Variants in CD247 observed in about 807,000 individuals in gnomAD.
CD247 encodes the protein CD247 molecule, also known as T-cell surface glycoprotein CD3 zeta chain.
A neutral mutation model predicts 30.0 loss-of-function variants in CD247; 13 were observed. The ratio of observed to expected loss-of-function variants is 0.43; its 90% CI spans 0.28 to 0.69. The LOEUF (loss-of-function observed/expected upper bound fraction) is 0.69. CD247 is among the 30% of genes least tolerant of loss of function. The pLI, the probability that CD247 is intolerant of heterozygous loss-of-function variation, is 0.16. For synonymous variants in CD247, 72 were observed against 80.0 expected (o/e 0.90, Z 0.53); for missense variants, 193 against 212.6 (o/e 0.91, Z 0.57).
chr1:167,508,873 G>A (rs376835364), intron 1 of CD247, among the ~76,000 whole-genome samples: 6 of 152,142 alleles, frequency 3.9e-5, no homozygotes, highest in African/African-American at 1.4e-4. Flanking sequence ...CATGGTTTCC[G>A]GGACCAGGGA....
chr1:167,440,731 C>T lies in CD247; in HGVS notation c.95G>A (p.Cys32Tyr), dbSNP rs1651787487. The change falls in exon 2 of 8, where the codon TGC becomes TAC. Residue 32 changes from cysteine (C) to tyrosine (Y), a missense_variant. By Grantham distance (194) the Cys-to-Tyr change is radical (BLOSUM62 -2). Coordinates refer to ENST00000362089, the MANE Select transcript of CD247 (RefSeq NM_198053.3). The part of the protein sequence containing the change: ...QSFGLLDPKL[C>Y]YLLDGILFIY... ...GAAGAGGATTCCATCCAGCAGGTAG[C>T]AGAGTTTGGGATCCAGCAGGCCAAA... The T allele has an allele frequency of 2.5e-6, 4 of 1,613,826 alleles. No homozygotes were observed. Among genetic ancestry groups the T allele is most frequent in the Non-Finnish European group, 3.4e-6 (4 of 1,179,908 alleles).
At chr1:167,489,624 T>A (rs1242198671) in intron 1 of CD247, among the ~76,000 whole-genome samples, 1 of 152,142 alleles carries the variant, frequency 6.6e-6, no homozygotes, top group Non-Finnish European at 1.5e-5. Context: ...GGGACTTGGC[T>A]CACTTTTCTG....
At position 167,431,489 on chromosome 1, in the gene CD247, C is replaced by A; in HGVS notation, c.*192G>T. Reference sequence around the variant, plus strand: ...CAGGGCCGTAAGCCCTGGGAGTACACTCCCTTAAAGAGTGCAGGGACAACA... The same window carrying A: ...CAGGGCCGTAAGCCCTGGGAGTACAATCCCTTAAAGAGTGCAGGGACAACA... On this transcript the variant is annotated 3_prime_UTR_variant, in exon 8 of 8. Transcript: ENST00000362089. The A allele has an allele frequency of 1.5e-6, 1 of 659,050 alleles. No homozygotes were observed. 40.8% of individuals were successfully genotyped at this position (659,050 alleles called of 1,614,324 possible).
chr1:167,459,850 T>C (rs1000781887), intron 1 of CD247: 1 of 152,268 alleles, frequency 6.6e-6, no homozygotes, highest in Non-Finnish European at 1.5e-5. Flanking sequence ...TTCACTAATA[T>C]TTGGTGACAG....
At chr1:167,472,449 A>G (rs1245432188) in intron 1 of CD247, among the ~76,000 whole-genome samples, 1 of 152,222 alleles carries the variant, frequency 6.6e-6, no homozygotes, top group Non-Finnish European at 1.5e-5. Flanking sequence ...GTTTGTATGC[A>G]CTCACACACA....
chr1:167,469,804 C>T (rs895948298), intron 1 of CD247, among the ~76,000 whole-genome samples: 2 of 152,290 alleles, frequency 1.3e-5, no homozygotes, highest in Non-Finnish European at 1.5e-5. Context: ...GGCATCTCTG[C>T]CTCTCCTAGA....
intron 1 of CD247, among the ~76,000 whole-genome samples, chr1:167,481,304 A>G (rs1245451200): frequency 2.0e-5 from 3 of 152,222 alleles, no homozygotes; most frequent in African/African-American, 7.2e-5. Context: ...AACAAACAAA[A>G]AGAGGCACTG....
intron 1 of CD247, among the ~76,000 whole-genome samples, chr1:167,486,629 T>C (rs1654219546): frequency 6.6e-6 from 1 of 152,236 alleles, no homozygotes; most frequent in African/African-American, 2.4e-5. Flanking sequence ...CAGAGGCCAG[T>C]TTCTGCTACC....
chr1:167,463,445 C>CT (rs1159756576), intron 1 of CD247, among the ~76,000 whole-genome samples: 1 of 152,142 alleles, frequency 6.6e-6, no homozygotes, highest in East Asian at 1.9e-4. Context: ...GTCATCATTT[C>CT]TTTTTTTAAA....
At chr1:167,434,300 C>T (rs910789596) in intron 5 of CD247, 9 of 600,176 alleles carry the variant, frequency 1.5e-5, no homozygotes, top group Non-Finnish European at 2.4e-5. Context: ...TCCGAGCTGC[C>T]AGCTCTTTGC....
At chr1:167,511,231 CATA>C (rs1488543810) in intron 1 of CD247, among the ~76,000 whole-genome samples, 1 of 152,166 alleles carries the variant, frequency 6.6e-6, no homozygotes, top group East Asian at 1.9e-4. Flanking sequence ...ATCTCATACA[CATA>C]AAACCTTTCA....
chr1:167,430,725 T>C lies in CD247; in HGVS notation c.*956A>G, dbSNP rs947480. On this transcript the variant is annotated 3_prime_UTR_variant, in exon 8 of 8. Transcript: ENST00000362089. Reference sequence around the variant, plus strand: ...TTAAAACAGTAGAAAAAAAGCAGAGTAGAGAGCGTTTTCCATCCATGGCCT... The same window carrying C: ...TTAAAACAGTAGAAAAAAAGCAGAGCAGAGAGCGTTTTCCATCCATGGCCT... 396,367 of 398,720 alleles carry C rather than the reference T, an allele frequency of 0.99. 197,057 individuals are homozygous for C. Among genetic ancestry groups the C allele is most frequent in the East Asian group, 1 (28,086 of 28,086 alleles). 24.7% of individuals were successfully genotyped at this position (398,720 alleles called of 1,614,324 possible). A position where few individuals can be genotyped will look rare whatever the true frequency, so the allele number is the denominator to read the frequency against.
intron 1 of CD247, among the ~76,000 whole-genome samples, chr1:167,443,013 T>C (rs35941769): frequency 0.033 from 4,949 of 152,186 alleles, 273 homozygotes; most frequent in African/African-American, 0.11. Flanking sequence ...TTCTACCCCC[T>C]GGCCTGCTGA....
chr1:167,461,913 A>G (rs2995087), intron 1 of CD247, among the ~76,000 whole-genome samples: 105,219 of 152,016 alleles, frequency 0.69, 38,132 homozygotes, highest in Non-Finnish European at 0.81. Context: ...CCCACCCTCA[A>G]ACCTTAGTTG....
chr1:167,498,866 G>T (rs1033990919), intron 1 of CD247, among the ~76,000 whole-genome samples: 2 of 152,150 alleles, frequency 1.3e-5, no homozygotes, highest in Non-Finnish European at 2.9e-5. Context: ...TGCAAACCAG[G>T]GACACCCAGA....
intron 1 of CD247, among the ~76,000 whole-genome samples, chr1:167,456,037 A>T (rs1652644360): frequency 7.0e-6 from 1 of 142,648 alleles, no homozygotes; most frequent in Non-Finnish European, 1.5e-5. Context: ...CTCAGATAGC[A>T]GGGAGGAAGC....
At chr1:167,490,172 T>C (rs1654385631) in intron 1 of CD247, among the ~76,000 whole-genome samples, 1 of 152,178 alleles carries the variant, frequency 6.6e-6, no homozygotes, top group Admixed American at 6.5e-5. Context: ...ATCGGGTGCA[T>C]TTGGAAGGCA....
chr1:167,490,412 C>A (rs1654398846), intron 1 of CD247, among the ~76,000 whole-genome samples: 1 of 151,334 alleles, frequency 6.6e-6, no homozygotes, highest in South Asian at 2.1e-4. Flanking sequence ...ATCACGAGGT[C>A]AGGAGTTTGA....
chr1:167,465,238 C>T (rs1243853871), intron 1 of CD247, among the ~76,000 whole-genome samples: 1 of 152,170 alleles, frequency 6.6e-6, no homozygotes, highest in Non-Finnish European at 1.5e-5. Flanking sequence ...GCCAACCTGC[C>T]TCCAGTGGCC....
Sources: allele counts gnomAD v4.1 joint callset (sites outside exome capture counted in the v4.1 genomes callset), GRCh38; gene constraint gnomAD v4.1.1; transcripts MANE v1.5; gene names NCBI Gene and HGNC (gene_info 2026-07-23, HGNC 2026-07-21).